The following F13A1 variants were observed in gnomAD, a reference collection of about 807,000 sequenced individuals.
F13A1 encodes coagulation factor XIII A chain.
In F13A1, 47 loss-of-function variants were observed where a neutral mutation model predicts 80.1. That is an observed-to-expected ratio of 0.59 (90% confidence interval 0.46 to 0.75). The LOEUF is 0.75. Ranked by LOEUF, F13A1 falls within the 30% of genes least tolerant of loss-of-function variation. The pLI, the probability that F13A1 is intolerant of heterozygous loss-of-function variation, is 0.00. For synonymous variants in F13A1, 349 were observed against 344.9 expected, an observed-to-expected ratio of 1.01 and a Z score of -0.13; for missense variants, 817 against 930.4, an observed-to-expected ratio of 0.88 and a Z score of 1.59.
chr6:6,231,696 A>G (rs570468397), intron 6 of F13A1, among the ~76,000 whole-genome samples: 4 of 152,354 alleles, frequency 2.6e-5, no homozygotes, highest in South Asian at 4.1e-4. Context: ...GGTAACCTAT[A>G]AAAGAAAACC....
In F13A1 at chr6:6,318,539, C is replaced by G; in HGVS notation, c.126G>C (p.Leu42=). 1 of 1,613,212 alleles carries G rather than the reference C, an allele frequency of 6.2e-7. No individual in the cohort carries two copies. Among genetic ancestry groups the G allele is most frequent in the South Asian group, 1.1e-5 (1 of 90,870 alleles). ...GGAAGGGGGGTATGCTCATACCTTG[C>G]AGGTTGACGCCCCGGGGCACCACGC... ...LQGVVPRGVN[L]QEFLNVTSVH... is the part of the protein sequence containing the mutation. Residue 42 remains leucine, a synonymous_variant, in exon 2 of 15, where the codon CTG becomes CTC. Transcript: ENST00000264870.
intron 6 of F13A1, among the ~76,000 whole-genome samples, chr6:6,235,152 G>C (rs912585965): frequency 5.9e-5 from 9 of 152,016 alleles, no homozygotes; most frequent in African/African-American, 2.2e-4. Flanking sequence ...ATGAACCTTA[G>C]ACCTAAATAT....
At chr6:6,158,137 G>C (rs1469876694) in intron 13 of F13A1, among the ~76,000 whole-genome samples, 3 of 152,068 alleles carry the variant, frequency 2.0e-5, no homozygotes, top group Non-Finnish European at 4.4e-5. Context: ...GGGGTAAGCA[G>C]GCTTTCCTTG....
At chr6:6,212,401 A>C (rs1761634394) in intron 8 of F13A1, among the ~76,000 whole-genome samples, 2 of 151,938 alleles carry the variant, frequency 1.3e-5, no homozygotes, top group South Asian at 2.1e-4. Flanking sequence ...ACTGGGAGGC[A>C]CCCCCCAGCA....
intron 10 of F13A1, among the ~76,000 whole-genome samples, chr6:6,193,806 A>G (rs1160465177): frequency 6.6e-6 from 1 of 152,184 alleles, no homozygotes; most frequent in African/African-American, 2.4e-5. Flanking sequence ...TGATCTCCTC[A>G]TTAGGGGCTC....
chr6:6,157,979 C>A lies in F13A1; in HGVS notation c.1909-6030G>T, dbSNP rs556383728. Among the ~76,000 whole-genome samples, 5 of 152,294 alleles carry A rather than the reference C, an allele frequency of 3.3e-5. No homozygotes were observed. The East Asian group carries it at 9.7e-4, about 29-fold the overall frequency. ...GAACACCTTCGATGAGGAGGGCTCA[C>A]TCATAGACATAGTTTACGATCATCT... On this transcript the variant is annotated intron_variant, in intron 13 of 14. Coordinates refer to ENST00000264870, the MANE Select transcript of F13A1 (RefSeq NM_000129.4).
At chr6:6,231,126 C>T (rs1296028268) in intron 6 of F13A1, among the ~76,000 whole-genome samples, 1 of 152,100 alleles carries the variant, frequency 6.6e-6, no homozygotes, top group East Asian at 1.9e-4. Flanking sequence ...TTAAGCCAAA[C>T]AGGGAGGGAC....
intron 13 of F13A1, among the ~76,000 whole-genome samples, chr6:6,161,061 G>T (rs891232009): frequency 1.3e-5 from 2 of 152,142 alleles, no homozygotes; most frequent in African/African-American, 4.8e-5. Flanking sequence ...GCTGGCTCCT[G>T]AGCTGCTTTA....
At chr6:6,165,004 T>G (rs1760641675) in intron 13 of F13A1, among the ~76,000 whole-genome samples, 1 of 152,172 alleles carries the variant, frequency 6.6e-6, no homozygotes, top group South Asian at 2.1e-4. Flanking sequence ...CCAGGAGCAC[T>G]TCTACTCCAT....
intron 4 of F13A1, among the ~76,000 whole-genome samples, chr6:6,252,442 T>G (rs2113104754): frequency 6.6e-6 from 1 of 152,286 alleles, no homozygotes; most frequent in South Asian, 2.1e-4. Context: ...ATATGTCTAT[T>G]TTTAAAAAGC....
At chr6:6,294,740 T>A (rs114476566) in intron 3 of F13A1, among the ~76,000 whole-genome samples, 2,649 of 147,672 alleles carry the variant, frequency 0.018, 35 homozygotes, top group Non-Finnish European at 0.027. Flanking sequence ...TTTTTAAAAA[T>A]TTATTTATTT....
chr6:6,156,804 A>G (rs1216257142), intron 13 of F13A1, among the ~76,000 whole-genome samples: 1 of 152,226 alleles, frequency 6.6e-6, no homozygotes, highest in Non-Finnish European at 1.5e-5. Context: ...TGAAATGTAA[A>G]AAATTCAGTT....
At chr6:6,196,744 A>C (rs1439050709) in intron 9 of F13A1, among the ~76,000 whole-genome samples, 1 of 152,214 alleles carries the variant, frequency 6.6e-6, no homozygotes, top group Non-Finnish European at 1.5e-5. Flanking sequence ...GCAAGTTAGA[A>C]GACAAATACC....
At chr6:6,316,843 G>T (rs1243342552) in intron 2 of F13A1, among the ~76,000 whole-genome samples, 3 of 152,118 alleles carry the variant, frequency 2.0e-5, no homozygotes, top group African/African-American at 7.2e-5. Flanking sequence ...AGAAACTGAG[G>T]CTTGGGCACC....
chr6:6,235,171 G>A (rs1447033041), intron 6 of F13A1, among the ~76,000 whole-genome samples: 2 of 151,866 alleles, frequency 1.3e-5, no homozygotes, highest in African/African-American at 2.4e-5. Flanking sequence ...ATAAAACCTA[G>A]GGTTATAAAA....
intron 3 of F13A1, among the ~76,000 whole-genome samples, chr6:6,290,051 C>T (rs1403550973): frequency 1.3e-5 from 2 of 152,150 alleles, no homozygotes; most frequent in Non-Finnish European, 2.9e-5. Flanking sequence ...AAGGGATGAA[C>T]ATATCTTACT....
Position 6,266,944 on chromosome 6 carries a change from A to G in F13A1, c.320-135T>C, listed in dbSNP as rs1757854121. The G allele has an allele frequency of 6.9e-6, 9 of 1,300,534 alleles. No homozygotes were observed. In the South Asian group the frequency reaches 1.1e-4, roughly 16 times the overall value. 80.6% of individuals were successfully genotyped at this position (1,300,534 alleles called of 1,614,324 possible). A position where few individuals can be genotyped will look rare whatever the true frequency, so the allele number is the denominator to read the frequency against. On this transcript the variant is annotated intron_variant, in intron 3 of 14. Coordinates refer to ENST00000264870, the MANE Select transcript of F13A1 (RefSeq NM_000129.4). Reference sequence around the variant, plus strand: ...CTTGACTTGAAGAAACATACAAATCAGGCAAGTCTGCAAATTACTTTGATT... The same window carrying G: ...CTTGACTTGAAGAAACATACAAATCGGGCAAGTCTGCAAATTACTTTGATT...
intron 9 of F13A1, 110 bp from the exon 10 acceptor site, chr6:6,195,995 T>A: frequency 9.9e-7 from 1 of 1,011,914 alleles, no homozygotes; most frequent in Non-Finnish European, 1.5e-6. Context: ...TGTTCCCAAC[T>A]TCATTGCTGA....
chr6:6,190,811 C>T (rs1227405818), intron 10 of F13A1, among the ~76,000 whole-genome samples: 1 of 152,136 alleles, frequency 6.6e-6, no homozygotes, highest in Non-Finnish European at 1.5e-5. Flanking sequence ...TGGTGGGCGC[C>T]CCTCCCCCAG....
Sources: gnomAD v4.1 joint callset for allele counts (sites outside exome capture counted in the v4.1 genomes callset) on GRCh38, gnomAD v4.1.1 for gene constraint, MANE v1.5 for transcripts, NCBI Gene and HGNC (gene_info 2026-07-23, HGNC 2026-07-21) for gene names.